Variants in DCBLD2 observed in about 807,000 individuals in gnomAD.
DCBLD2 encodes the protein discoidin, CUB and LCCL domain containing 2.
A neutral mutation model predicts 86.8 loss-of-function variants in DCBLD2; 54 were observed. The ratio of observed to expected loss-of-function variants is 0.62; its 90% confidence interval spans 0.50 to 0.78. DCBLD2 has a LOEUF of 0.78. DCBLD2 is among the 30% of genes least tolerant of loss of function. The pLI is 0.00. For synonymous variants in DCBLD2, 354 were observed against 341.3 expected (o/e 1.04, Z -0.41); for missense variants, 908 against 954.2 (o/e 0.95, Z 0.64).
chr3:98,808,886 G>A (rs1941885954), intron 12 of DCBLD2, among the ~76,000 whole-genome samples: 1 of 152,116 alleles, frequency 6.6e-6, no homozygotes, highest in Admixed American at 6.6e-5. Context: ...TGTTCTCCCT[G>A]TTTCTGCGTA....
intron 8 of DCBLD2, among the ~76,000 whole-genome samples, chr3:98,818,666 G>A (rs978073519): frequency 1.3e-5 from 2 of 152,118 alleles, no homozygotes; most frequent in East Asian, 1.9e-4. Flanking sequence ...GCATCAGCAC[G>A]GCCAGAATAA....
chr3:98,889,890 TACAAGCTTTAAAACACTA>T (rs1943628873), intron 1 of DCBLD2, among the ~76,000 whole-genome samples: 1 of 152,038 alleles, frequency 6.6e-6, no homozygotes, highest in Admixed American at 6.6e-5. Flanking sequence ...TCTGCAGTTT[TACAAGCTTTAAAACACTA>T]AGGGTAACAA....
At chr3:98,808,780 T>C (rs1941884346) in intron 12 of DCBLD2, among the ~76,000 whole-genome samples, 1 of 152,170 alleles carries the variant, frequency 6.6e-6, no homozygotes, top group Non-Finnish European at 1.5e-5. Flanking sequence ...GCTATCTCAC[T>C]GATTGGCATT....
At chr3:98,894,812 C>A (rs1207709242) in intron 1 of DCBLD2, among the ~76,000 whole-genome samples, 1 of 152,030 alleles carries the variant, frequency 6.6e-6, no homozygotes, top group African/African-American at 2.4e-5. Context: ...AAATGGGGTT[C>A]TTAATTCACA....
At chr3:98,856,476 T>C (rs1330075562) in intron 2 of DCBLD2, among the ~76,000 whole-genome samples, 1 of 151,894 alleles carries the variant, frequency 6.6e-6, no homozygotes, top group Admixed American at 6.6e-5. Context: ...AATACAGAGG[T>C]ACAATGTTAA....
chr3:98,844,845 C>T (rs1304462488), intron 3 of DCBLD2, among the ~76,000 whole-genome samples: 1 of 152,152 alleles, frequency 6.6e-6, no homozygotes, highest in African/African-American at 2.4e-5. Flanking sequence ...TTCAAATTTT[C>T]AGAAAGTCTG....
At chr3:98,892,803 A>G (rs1037732454) in intron 1 of DCBLD2, among the ~76,000 whole-genome samples, 2 of 152,204 alleles carry the variant, frequency 1.3e-5, no homozygotes, top group African/African-American at 2.4e-5. Flanking sequence ...CCTCACATCC[A>G]GACCTATAAA....
intron 3 of DCBLD2, among the ~76,000 whole-genome samples, chr3:98,838,290 C>T (rs1348201197): frequency 8.2e-5 from 8 of 97,060 alleles, no homozygotes; most frequent in African/African-American, 2.0e-4. Flanking sequence ...ACTTCTCAGA[C>T]GGGGCGGTTG....
chr3:98,881,931 T>C (rs189280320), intron 1 of DCBLD2, among the ~76,000 whole-genome samples, 164 bp from the exon 2 acceptor site: 2 of 152,300 alleles, frequency 1.3e-5, no homozygotes, highest in East Asian at 3.9e-4. Flanking sequence ...TACATACTCA[T>C]GGGGTTCACA....
intron 2 of DCBLD2, among the ~76,000 whole-genome samples, chr3:98,864,586 C>T (rs985725825): frequency 6.6e-6 from 1 of 152,146 alleles, no homozygotes; most frequent in African/African-American, 2.4e-5. Flanking sequence ...CCATCATTCT[C>T]AGCAAACTAT....
chr3:98,872,627 A>T (rs1461489067), intron 2 of DCBLD2, among the ~76,000 whole-genome samples: 2 of 152,230 alleles, frequency 1.3e-5, no homozygotes, highest in Non-Finnish European at 2.9e-5. Flanking sequence ...TATAGGCAAT[A>T]GGTAGAAAAT....
chr3:98,814,445 T>C (rs1022579162), intron 9 of DCBLD2: 6 of 152,186 alleles, frequency 3.9e-5, no homozygotes, highest in African/African-American at 1.4e-4. Context: ...CTATGAGCAT[T>C]TACTGAGAAT....
chr3:98,835,939 T>TTTCTTTTC, intron 3 of DCBLD2, among the ~76,000 whole-genome samples: 1 of 1,276 alleles, frequency 7.8e-4, no homozygotes, highest in South Asian at 0.025. Flanking sequence ...CCTTTCTTTC[T>TTTCTTTTC]TTTTTTTTTT....
rs1941931922 is a variant in DCBLD2, at chr3:98,811,194, C to G, written c.1576G>C (p.Asp526His). The G allele has an allele frequency of 5.6e-6, 9 of 1,600,312 alleles. No homozygotes were observed. Among genetic ancestry groups the G allele is most frequent in the Non-Finnish European group, 6.8e-6 (8 of 1,175,748 alleles). ...GGCGTTCATTTCCATGTTTGCATAC[C>G]TTTGGTTACATTTGGAGTTACGGTA... ...NTTVTPNVTK[D>H]VALAAVLVPV... Residue 526 changes from aspartate to histidine, a missense_variant and splice_region_variant, in exon 12 of 16, where the codon GAT becomes CAT. Around this residue, in one of 3 missense-constraint regions of DCBLD2, gnomAD observed 606 missense variants for 678.5 expected, o/e 0.89. Coordinates refer to ENST00000326840, the MANE Select transcript of DCBLD2 (RefSeq NM_080927.4).
At chr3:98,865,287 A>T (rs1457873115) in intron 2 of DCBLD2, among the ~76,000 whole-genome samples, 3 of 148,794 alleles carry the variant, frequency 2.0e-5, no homozygotes, top group Non-Finnish European at 4.5e-5. Flanking sequence ...AGCCTGTATT[A>T]AAAAAAAAAG....
chr3:98,809,236 G>A (rs377050299), intron 12 of DCBLD2, among the ~76,000 whole-genome samples: 1 of 152,002 alleles, frequency 6.6e-6, no homozygotes, highest in African/African-American at 2.4e-5. Context: ...TTCCTTTGTC[G>A]CTCAACCCCC....
chr3:98,842,717 T>A (rs1256570638), intron 3 of DCBLD2, among the ~76,000 whole-genome samples: 1 of 152,238 alleles, frequency 6.6e-6, no homozygotes, highest in Non-Finnish European at 1.5e-5. Flanking sequence ...CAATAAACTA[T>A]GTAGTCAAAC....
At chr3:98,839,418 T>A (rs1277881903) in intron 3 of DCBLD2, among the ~76,000 whole-genome samples, 1 of 152,156 alleles carries the variant, frequency 6.6e-6, no homozygotes, top group Non-Finnish European at 1.5e-5. Context: ...CTGTTTTTAG[T>A]TGGTCACCTT....
intron 2 of DCBLD2, among the ~76,000 whole-genome samples, chr3:98,870,359 TA>T (rs1418120434): frequency 1.3e-5 from 2 of 152,214 alleles, no homozygotes; most frequent in African/African-American, 4.8e-5. Flanking sequence ...CAGTATAACT[TA>T]AAGATAGCTA....
Sources: gnomAD v4.1 joint callset for allele counts (sites outside exome capture counted in the v4.1 genomes callset) on GRCh38, gnomAD v4.1.1 for gene constraint, gnomAD v4.1.1 regional missense constraint, MANE v1.5 for transcripts, NCBI Gene and HGNC (gene_info 2026-07-23, HGNC 2026-07-21) for gene names.